The following RARB variants were observed in gnomAD, a reference collection of about 807,000 sequenced individuals.
RARB encodes the protein HBV-activated protein.
A neutral mutation model predicts 51.9 loss-of-function variants in RARB; 17 were observed. That is an observed-to-expected ratio of 0.33 (90% CI 0.22 to 0.49). The LOEUF (loss-of-function observed/expected upper bound fraction) is 0.49, where lower values mean the gene tolerates loss of function less well. Ranked by LOEUF, RARB falls within the 20% of genes least tolerant of loss-of-function variation. The probability of loss-of-function intolerance (pLI) is 0.99; values close to 1 mark genes in which losing one functional copy is unlikely to be tolerated. For synonymous variants in RARB, 215 were observed against 195.4 expected (o/e 1.10, Z -0.84); for missense variants, 369 against 550.8 (o/e 0.67, Z 3.30).
At chr3:25,325,392 C>A (rs1463544729) in intron 5 of RARB, among the ~76,000 whole-genome samples, 1 of 152,058 alleles carries the variant, frequency 6.6e-6, no homozygotes, top group Admixed American at 6.5e-5. Flanking sequence ...GTGTCCTGTA[C>A]CTTCTGCTGA....
At chr3:25,543,108 A>T (rs549687225) in intron 3 of RARB, among the ~76,000 whole-genome samples, 1 of 152,124 alleles carries the variant, frequency 6.6e-6, no homozygotes, top group South Asian at 2.1e-4. Context: ...AATGCCACTA[A>T]ACCTCCTGCC....
At chr3:25,068,251 ACCCCTTT>A (rs1241268783) in intron 3 of RARB, among the ~76,000 whole-genome samples, 2 of 145,138 alleles carry the variant, frequency 1.4e-5, no homozygotes, top group East Asian at 2.1e-4. Context: ...CCCACCCACA[ACCCCTTT>A]CCCCTTTCAT....
chr3:25,310,731 G>A (rs919679706), intron 5 of RARB, among the ~76,000 whole-genome samples: 1 of 152,130 alleles, frequency 6.6e-6, no homozygotes, highest in Non-Finnish European at 1.5e-5. Context: ...GTTCACACAT[G>A]ATTCCACTCT....
intron 6 of RARB, 94 bp downstream of exon 6, chr3:25,593,801 T>C: frequency 1.6e-6 from 2 of 1,249,096 alleles, no homozygotes; most frequent in Non-Finnish European, 2.2e-6. Flanking sequence ...TTTGGAGTTG[T>C]TTTACATGGG....
At chr3:25,342,630 A>G (rs1165882305) in intron 5 of RARB, among the ~76,000 whole-genome samples, 1 of 152,190 alleles carries the variant, frequency 6.6e-6, no homozygotes, top group African/African-American at 2.4e-5. Flanking sequence ...TGCCTGCACT[A>G]ATTATTAAAT....
chr3:25,250,118 A>T (rs1702674817), intron 5 of RARB, among the ~76,000 whole-genome samples: 1 of 152,160 alleles, frequency 6.6e-6, no homozygotes, highest in South Asian at 2.1e-4. Flanking sequence ...TGAACAGATC[A>T]GTACTCAGGC....
chr3:25,250,922 C>A (rs1702701951), intron 5 of RARB, among the ~76,000 whole-genome samples: 1 of 152,130 alleles, frequency 6.6e-6, no homozygotes, highest in Non-Finnish European at 1.5e-5. Context: ...GTTCACTTAC[C>A]CTTTTCCCAC....
rs113715834 is a variant in RARB, at chr3:25,541,637, C to T, written c.449-28121C>T. Reference sequence around the variant, plus strand: ...GGAGAGTTTAGCTTAGAATCATGAACATTTCCCCTTACACAGCCGAAAGCC... The same window carrying T: ...GGAGAGTTTAGCTTAGAATCATGAATATTTCCCCTTACACAGCCGAAAGCC... On this transcript the variant is annotated intron_variant, in intron 3 of 7. Transcript: ENST00000330688. Among the ~76,000 whole-genome samples the T allele has an allele frequency of 8.8e-3, 1,340 of 152,338 alleles. 14 individuals carry two copies. The highest frequency in any genetic ancestry group is 0.03 in the African/African-American group (1,231 of 41,572).
intron 2 of RARB, among the ~76,000 whole-genome samples, chr3:24,926,955 G>A (rs1051484961): frequency 1.3e-5 from 2 of 151,974 alleles, no homozygotes; most frequent in East Asian, 1.9e-4. Flanking sequence ...GCTGAACTTC[G>A]AAATAAGAGC....
At chr3:25,426,374 AAGAACT>A (rs1707988849), upstream of RARB, among the ~76,000 whole-genome samples, 1 of 152,252 alleles carries the variant, frequency 6.6e-6, no homozygotes. Flanking sequence ...TTTCAATAGC[AAGAACT>A]GAGCTTGCTG....
intron 5 of RARB, among the ~76,000 whole-genome samples, chr3:25,228,314 A>AT (rs1479364081): frequency 1.5e-5 from 2 of 131,818 alleles, no homozygotes; most frequent in East Asian, 2.3e-4. Flanking sequence ...ACTTTCATTG[A>AT]TTTTTAGTTT....
chr3:25,566,611 T>G (rs575205875), intron 3 of RARB, among the ~76,000 whole-genome samples: 3 of 152,134 alleles, frequency 2.0e-5, no homozygotes, highest in African/African-American at 7.2e-5. Flanking sequence ...ACCTCACCCC[T>G]CCCTTTCTTG....
intron 4 of RARB, among the ~76,000 whole-genome samples, chr3:25,133,831 G>GC (rs11425351): frequency 1.3e-5 from 2 of 151,450 alleles, no homozygotes; most frequent in East Asian, 3.9e-4. Flanking sequence ...GACACAAGGA[G>GC]GGGGGAAGGA....
chr3:25,125,746 A>G (rs1233111296), intron 3 of RARB, among the ~76,000 whole-genome samples: 1 of 152,314 alleles, frequency 6.6e-6, no homozygotes, highest in Admixed American at 6.5e-5. Context: ...CTATATGCAC[A>G]TAATTCAAAA....
intron 4 of RARB, among the ~76,000 whole-genome samples, chr3:25,161,532 C>G (rs756197016): frequency 6.6e-6 from 1 of 152,048 alleles, no homozygotes; most frequent in Non-Finnish European, 1.5e-5. Flanking sequence ...TGTAAATTAA[C>G]GATACTTCTG....
intron 5 of RARB, among the ~76,000 whole-genome samples, chr3:25,196,376 C>A (rs984249393): frequency 6.6e-6 from 1 of 152,104 alleles, no homozygotes; most frequent in Non-Finnish European, 1.5e-5. Flanking sequence ...CAGCTTCATC[C>A]ATGTCCCTAC....
intron 5 of RARB, among the ~76,000 whole-genome samples, chr3:25,243,221 G>C (rs1702474386): frequency 6.6e-6 from 1 of 152,174 alleles, no homozygotes; most frequent in Admixed American, 6.5e-5. Context: ...GAGATCATGG[G>C]GTTTTCTAAA....
intron 3 of RARB, among the ~76,000 whole-genome samples, chr3:25,556,979 T>C (rs1340865476): frequency 6.6e-6 from 1 of 152,258 alleles, no homozygotes; most frequent in Non-Finnish European, 1.5e-5. Flanking sequence ...ATAGTAATTC[T>C]TGTAAACAAT....
chr3:25,183,201 C>A (rs1559495988), intron 5 of RARB, among the ~76,000 whole-genome samples: 1 of 152,128 alleles, frequency 6.6e-6, no homozygotes, highest in African/African-American at 2.4e-5. Context: ...TAATTTTGTC[C>A]TTATAATGAC....
Sources: gnomAD v4.1 joint callset for allele counts (sites outside exome capture counted in the v4.1 genomes callset) on GRCh38, gnomAD v4.1.1 for gene constraint, MANE v1.5 for transcripts, NCBI Gene and HGNC (gene_info 2026-07-23, HGNC 2026-07-21) for gene names.